TAPT1: variants seen among roughly 807,000 people sequenced by gnomAD.
The protein encoded by TAPT1 is transmembrane anterior posterior transformation 1, also known as transmembrane anterior posterior transformation protein 1 homolog.
A neutral mutation model predicts 65.6 loss-of-function variants in TAPT1; 28 were observed. The ratio of observed to expected loss-of-function variants is 0.43; its 90% CI spans 0.32 to 0.59. The LOEUF is 0.59. Among genes scored for constraint, TAPT1 ranks in the 20% least tolerant of loss-of-function variants. The probability of loss-of-function intolerance (pLI) is 0.09; values close to 1 mark genes in which losing one functional copy is unlikely to be tolerated. For synonymous variants in TAPT1, 278 were observed against 245.2 expected, an observed-to-expected ratio of 1.13 and a Z score of -1.25; for missense variants, 563 against 679.9, an observed-to-expected ratio of 0.83 and a Z score of 1.91.
intron 7 of TAPT1, among the ~76,000 whole-genome samples, chr4:16,185,370 A>ATT (rs879607371): frequency 7.0e-5 from 10 of 143,694 alleles, no homozygotes; most frequent in African/African-American, 2.0e-4. Context: ...AATCATCGTA[A>ATT]TTTTTTTTTT....
intron 3 of TAPT1, among the ~76,000 whole-genome samples, chr4:16,195,053 T>C (rs1259175385): frequency 6.6e-6 from 1 of 152,160 alleles, no homozygotes; most frequent in Non-Finnish European, 1.5e-5. Flanking sequence ...TTCATATAAA[T>C]GTCCTTGTTA....
At chr4:16,165,774 G>A (rs893295654) in intron 13 of TAPT1, among the ~76,000 whole-genome samples, 5 of 151,852 alleles carry the variant, frequency 3.3e-5, no homozygotes, top group African/African-American at 4.8e-5. Flanking sequence ...AATACTTCAC[G>A]CAAACCTCCC....
chr4:16,177,437 G>A (rs982575436), intron 8 of TAPT1, among the ~76,000 whole-genome samples: 6 of 152,152 alleles, frequency 3.9e-5, no homozygotes, highest in Non-Finnish European at 5.9e-5. Context: ...TCAGGTAGCC[G>A]GAAGGTGGGA....
intron 2 of TAPT1, among the ~76,000 whole-genome samples, chr4:16,204,627 C>T (rs903253939): frequency 6.6e-6 from 1 of 152,328 alleles, no homozygotes; most frequent in Admixed American, 6.5e-5. Context: ...CTTCAGAAGC[C>T]TTCTACAGGT....
At chr4:16,191,088 T>C in intron 4 of TAPT1, 1 of 316,124 alleles carries the variant, frequency 3.2e-6, no homozygotes, top group Non-Finnish European at 5.9e-6. Flanking sequence ...CATGAGGACA[T>C]GCCATGCCTG....
chr4:16,227,026 AC>A (rs1227886600), upstream of TAPT1: 32 of 452,770 alleles, frequency 7.1e-5, no homozygotes, highest in Admixed American at 7.5e-4. Flanking sequence ...CAGATCACCG[AC>A]CCCCACGAGC....
rs1263787327 is a variant in TAPT1 at position 16,166,699 on chromosome 4, G to C, written c.1408C>G (p.Pro470Ala). ...TTGCCTGGAGTGCAGGTTGCGGGAG[G>C]ATTCGACAGCTTCTCTTCCATTTTG... ...EAKMEEKLSN[P>A]PATCTPGKPS... Residue 470 changes from proline (P) to alanine (A), a missense_variant, in exon 13 of 14, where the codon CCT (proline) becomes GCT (alanine). Pro to Ala is a conservative substitution (Grantham distance 27). This residue lies in a region of TAPT1 where 136 missense variants were observed against 153.9 expected (regional missense o/e 0.88). Coordinates refer to ENST00000405303, the MANE Select transcript of TAPT1 (RefSeq NM_153365.3). 3 of 1,613,888 alleles carry C rather than the reference G, an allele frequency of 1.9e-6. No homozygotes were observed. The Admixed American group carries it at 5.0e-5, about 27-fold the overall frequency.
chr4:16,186,765 T>C lies in TAPT1; in HGVS notation c.846+16A>G, dbSNP rs1409265182. The stretch of plus-strand genomic sequence containing the variant: ...CCTGTATAACTTCAAAAATGTAAGA[T>C]AAATCTCATACTTACATTATTAGAC... On this transcript the variant is annotated intron_variant, in intron 6 of 13. Transcript: ENST00000405303. 5 of 1,544,654 alleles carry C rather than the reference T, an allele frequency of 3.2e-6. No individual in the cohort carries two copies. Among genetic ancestry groups the C allele is most frequent in the Non-Finnish European group, 3.6e-6 (4 of 1,119,900 alleles).
chr4:16,191,303 T>C (rs1490940943), intron 4 of TAPT1, 58 bp downstream of exon 4: 16 of 1,521,704 alleles, frequency 1.1e-5, no homozygotes, highest in East Asian at 2.4e-5. Context: ...CCTTCAGAAC[T>C]GAAGACTTGA....
rs35666594 is a variant in TAPT1 at position 16,175,483 on chromosome 4, A to T, written c.1107+636T>A. Among the ~76,000 whole-genome samples the T allele has an allele frequency of 8.5e-3, 1,288 of 152,290 alleles. 7 individuals carry two copies. Among genetic ancestry groups the T allele is most frequent in the Non-Finnish European group, 0.013 (899 of 67,974 alleles). The stretch of plus-strand genomic sequence containing the variant: ...AAATATTACTGTGAGACTGTTATTA[A>T]AAGTACTACCCAGTAAAATCTAGAA... On this transcript the variant is annotated intron_variant, in intron 9 of 13. Transcript: ENST00000405303.
At chr4:16,225,583 C>T (rs1195857401) in intron 1 of TAPT1, among the ~76,000 whole-genome samples, 2 of 152,176 alleles carry the variant, frequency 1.3e-5, no homozygotes, top group Non-Finnish European at 2.9e-5. Flanking sequence ...TAAAAACCTA[C>T]AGCTTATAGA....
Position 16,185,649 on chromosome 4 carries a change from G to T in TAPT1, c.916+886C>A, listed in dbSNP as rs191466685. ...CTCCCAACGTGCTGGGATTACAGGC[G>T]TTAGCCACTGCGCCTGGCTGATCAT... is the stretch of plus-strand genomic sequence containing the variant. On this transcript the variant is annotated intron_variant, in intron 7 of 13. Transcript: ENST00000405303. 7.2e-5 allele frequency among the ~76,000 whole-genome samples: 11 copies of T among 152,246 alleles called. 1 individual carries two copies. The East Asian group carries it at 1.9e-3, about 27-fold the overall frequency.
intron 1 of TAPT1, among the ~76,000 whole-genome samples, chr4:16,214,243 T>C (rs1750804651): frequency 6.6e-6 from 1 of 152,122 alleles, no homozygotes; most frequent in African/African-American, 2.4e-5. Flanking sequence ...GTCAAGAATA[T>C]ATAAAATAGA....
At chr4:16,191,980 A>G (rs1011172378) in intron 3 of TAPT1, among the ~76,000 whole-genome samples, 6 of 152,218 alleles carry the variant, frequency 3.9e-5, no homozygotes, top group African/African-American at 1.4e-4. Flanking sequence ...AGGAGTTCAT[A>G]CTTTTTTGGC....
chr4:16,220,457 C>T (rs1370691979), intron 1 of TAPT1, among the ~76,000 whole-genome samples: 1 of 152,228 alleles, frequency 6.6e-6, no homozygotes, highest in Non-Finnish European at 1.5e-5. Context: ...TTATCCCAAT[C>T]TTACCAGGAA....
chr4:16,197,099 A>C (rs926352415), intron 3 of TAPT1, among the ~76,000 whole-genome samples: 1 of 152,210 alleles, frequency 6.6e-6, no homozygotes, highest in African/African-American at 2.4e-5. Context: ...AAAGGTTAGG[A>C]AACTCTCAAG....
At chr4:16,199,565 T>C (rs986706659) in intron 3 of TAPT1, among the ~76,000 whole-genome samples, 10 of 152,132 alleles carry the variant, frequency 6.6e-5, no homozygotes, top group African/African-American at 2.4e-4. Context: ...CCCTGTAACA[T>C]CTTTTAGTTT....
rs1488559371 is a variant in TAPT1 at position 16,163,120 on chromosome 4, G to A, written c.*188C>T. 17 of 651,092 alleles carry A rather than the reference G, an allele frequency of 2.6e-5. No homozygotes were observed. The highest frequency in any genetic ancestry group is 1.0e-4 in the Admixed American group (5 of 47,874). 40.3% of individuals were successfully genotyped at this position (651,092 alleles called of 1,614,324 possible). ...TCCCAGACAGTCAAGGCCGGAGGTC[G>A]CTCCTGTCCTGTGGTCTGACCCTCA... is the stretch of plus-strand genomic sequence containing the variant. On this transcript the variant is annotated 3_prime_UTR_variant, in exon 14 of 14. Transcript: ENST00000405303.
chr4:16,213,691 G>T, intron 2 of TAPT1, 77 bp downstream of exon 2: 2 of 1,300,716 alleles, frequency 1.5e-6, no homozygotes, highest in Non-Finnish European at 1.0e-6. Context: ...AACTCTAGCT[G>T]TTGACCATTT....
Sources: gnomAD v4.1 joint callset for allele counts (sites outside exome capture counted in the v4.1 genomes callset) on GRCh38, gnomAD v4.1.1 for gene constraint, gnomAD v4.1.1 regional missense constraint, MANE v1.5 for transcripts, NCBI Gene and HGNC (gene_info 2026-07-23, HGNC 2026-07-21) for gene names.